The following MME variants were observed in gnomAD, a reference collection of about 807,000 sequenced individuals.
MME encodes the protein membrane metalloendopeptidase.
Under a neutral mutation model 113.2 loss-of-function variants are expected in MME, and 98 were observed. That is an observed-to-expected ratio of 0.87 (90% CI 0.74 to 1.02). MME has a LOEUF of 1.02. Among genes scored for constraint, MME ranks in the 50% least tolerant of loss-of-function variants. The pLI is 0.00. For synonymous variants in MME, 292 were observed against 300.6 expected (o/e 0.97, Z 0.30); for missense variants, 836 against 896.0 (o/e 0.93, Z 0.86).
chr3:155,160,573 T>G, intron 17 of MME, 125 bp downstream of exon 17: 1 of 683,694 alleles, frequency 1.5e-6, no homozygotes, highest in Non-Finnish European at 2.6e-6. Context: ...CTCTATTGAA[T>G]GCATTTCTTG....
At chr3:155,032,994 C>T (rs950357550) in intron 1 of MME, among the ~76,000 whole-genome samples, 1 of 152,104 alleles carries the variant, frequency 6.6e-6, no homozygotes, top group African/African-American at 2.4e-5. Context: ...TTTAACATTC[C>T]ATACTAAAGA....
At chr3:155,075,459 T>A (rs1424428655), upstream of MME, among the ~76,000 whole-genome samples, 1 of 152,186 alleles carries the variant, frequency 6.6e-6, no homozygotes, top group Non-Finnish European at 1.5e-5. Context: ...TAGCATTTTA[T>A]GTTATACTTC....
intron 15 of MME, among the ~76,000 whole-genome samples, chr3:155,147,877 G>T (rs1721641907): frequency 6.6e-6 from 1 of 152,164 alleles, no homozygotes; most frequent in South Asian, 2.1e-4. Flanking sequence ...CTAGCATGGG[G>T]ATTTGCAAAC....
At chr3:155,110,036 C>T (rs1718056578) in intron 3 of MME, among the ~76,000 whole-genome samples, 1 of 152,202 alleles carries the variant, frequency 6.6e-6, no homozygotes, top group South Asian at 2.1e-4. Context: ...CATTGTCCTG[C>T]CTTTGTCCCA....
At chr3:155,137,654 T>C (rs374292493) in intron 8 of MME, among the ~76,000 whole-genome samples, 15 of 152,170 alleles carry the variant, frequency 9.9e-5, no homozygotes, top group African/African-American at 3.6e-4. Flanking sequence ...TGCAGTGAGC[T>C]AAGACAGCAC....
chr3:155,127,589 A>G (rs1719793197), intron 8 of MME, among the ~76,000 whole-genome samples: 1 of 152,250 alleles, frequency 6.6e-6, no homozygotes, highest in African/African-American at 2.4e-5. Context: ...AGGTCGTATC[A>G]TTTAAAAGAT....
chr3:155,165,934 A>G (rs935131132), intron 17 of MME, among the ~76,000 whole-genome samples: 1 of 152,204 alleles, frequency 6.6e-6, no homozygotes, highest in Non-Finnish European at 1.5e-5. Context: ...TGCATTAAAT[A>G]TAACACATTT....
rs147823733 is a variant in MME at position 155,174,241 on chromosome 3, A to G, written c.2153+1629A>G. On this transcript the variant is annotated intron_variant, in intron 22 of 22. Coordinates refer to ENST00000360490, the MANE Select transcript of MME (RefSeq NM_007289.4). Reference sequence around the variant, plus strand: ...AACAATATTTTGCTATAAATTAGTTAAATTATTTGTATCTTTAAGTCTTTA... The same window carrying G: ...AACAATATTTTGCTATAAATTAGTTGAATTATTTGTATCTTTAAGTCTTTA... Among the ~76,000 whole-genome samples, 585 of 151,892 alleles carry G rather than the reference A, an allele frequency of 3.9e-3. 5 individuals carry two copies. The highest frequency in any genetic ancestry group is 0.014 in the African/African-American group (560 of 41,420).
In MME at chr3:155,105,922, G is replaced by A. The variant is rs113654278; in HGVS notation, c.197-9072G>A. On this transcript the variant is annotated intron_variant, in intron 3 of 22. Transcript: ENST00000360490. ...TAATTTACATTGTATATTTAAATCT[G>A]ATAGTGAATTTATCTGATAGCAAAT... Among the ~76,000 whole-genome samples, 333 of 152,234 alleles carry A rather than the reference G, an allele frequency of 2.2e-3. 1 individual carries two copies. The highest frequency in any genetic ancestry group is 7.1e-3 in the African/African-American group (293 of 41,554).
chr3:155,074,691 C>G (rs954682876), upstream of MME, among the ~76,000 whole-genome samples: 2 of 152,116 alleles, frequency 1.3e-5, no homozygotes, highest in Admixed American at 6.5e-5. Flanking sequence ...CTCAGCTTCC[C>G]AAAGTGCTGG....
chr3:155,128,158 A>G (rs768533670), intron 8 of MME, among the ~76,000 whole-genome samples: 4 of 152,216 alleles, frequency 2.6e-5, no homozygotes, highest in Non-Finnish European at 5.9e-5. Flanking sequence ...GTTACATGTC[A>G]TCCCAGAAAT....
At chr3:155,176,565 T>C (rs1712538968) in intron 22 of MME, among the ~76,000 whole-genome samples, 1 of 152,134 alleles carries the variant, frequency 6.6e-6, no homozygotes, top group Admixed American at 6.6e-5. Flanking sequence ...TCACTCACAC[T>C]TGTTAATTCC....
intron 8 of MME, among the ~76,000 whole-genome samples, chr3:155,126,858 G>A (rs1719708314): frequency 6.6e-6 from 1 of 152,024 alleles, no homozygotes; most frequent in African/African-American, 2.4e-5. Context: ...AATTAGCCGG[G>A]CGTGGTTCTG....
chr3:155,115,029 G>A lies in MME; in HGVS notation c.232G>A (p.Glu78Lys), dbSNP rs369006679. 3 of 1,613,880 alleles carry A rather than the reference G, an allele frequency of 1.9e-6. No individual in the cohort carries two copies. The highest frequency in any genetic ancestry group is 2.7e-5 in the African/African-American group (2 of 74,842). The change falls in exon 4 of 23, where the codon GAG (glutamate) becomes AAG (lysine). Residue 78 changes from glutamate (E) to lysine (K), a missense_variant. Glu to Lys is a moderately conservative substitution (Grantham distance 56). Coordinates refer to ENST00000360490, the MANE Select transcript of MME (RefSeq NM_007289.4). Reference protein sequence around the residue: ...RLIQNMDATTEPCTDFFKYAC... With the variant: ...RLIQNMDATTKPCTDFFKYAC... ...GATCCAAAACATGGATGCCACCACT[G>A]AGCCTTGTACAGACTTTTTCAAATA...
chr3:155,108,160 C>G (rs1433959424), intron 3 of MME, among the ~76,000 whole-genome samples: 1 of 152,174 alleles, frequency 6.6e-6, no homozygotes, highest in Non-Finnish European at 1.5e-5. Flanking sequence ...ATTCAGTATT[C>G]ACTAATTCAG....
At chr3:155,157,666 C>T (rs1722415537) in intron 16 of MME, among the ~76,000 whole-genome samples, 2 of 152,138 alleles carry the variant, frequency 1.3e-5, no homozygotes, top group Non-Finnish European at 2.9e-5. Flanking sequence ...ATGTAATGAT[C>T]TAATCACAGT....
At chr3:155,101,648 C>A (rs1717237569) in intron 3 of MME, among the ~76,000 whole-genome samples, 1 of 152,156 alleles carries the variant, frequency 6.6e-6, no homozygotes, top group Admixed American at 6.5e-5. Context: ...ACCTCATGAC[C>A]TTTTGCCAGA....
At chr3:155,098,555 CAA>C (rs34979254) in intron 3 of MME, among the ~76,000 whole-genome samples, 24 of 137,616 alleles carry the variant, frequency 1.7e-4, no homozygotes, top group Non-Finnish European at 1.9e-4. Context: ...GATTCTGTCT[CAA>C]AAAAAAAAAA....
chr3:155,116,812 A>G, intron 6 of MME, 53 bp downstream of exon 6: 1 of 1,562,970 alleles, frequency 6.4e-7, no homozygotes, highest in Non-Finnish European at 8.8e-7. Context: ...TCTATGTTAT[A>G]ATATCATTAG....
Sources: allele counts gnomAD v4.1 joint callset (sites outside exome capture counted in the v4.1 genomes callset), GRCh38; gene constraint gnomAD v4.1.1; transcripts MANE v1.5; gene names NCBI Gene and HGNC (gene_info 2026-07-23, HGNC 2026-07-21).